The following CCSER1 variants were observed in gnomAD, a reference collection of about 807,000 sequenced individuals.
The protein encoded by CCSER1 is coiled-coil serine rich protein 1.
Under a neutral mutation model 82.0 loss-of-function variants are expected in CCSER1, and 41 were observed. The observed-to-expected ratio is 0.50, with a 90% CI of 0.39 to 0.65. CCSER1 has a LOEUF of 0.65. Among genes scored for constraint, CCSER1 ranks in the 30% least tolerant of loss-of-function variants. The pLI, the probability that CCSER1 is intolerant of heterozygous loss-of-function variation, is 0.00. For missense variants in CCSER1, 1,119 were observed against 1,064.2 expected (o/e 1.05, Z -0.72); for synonymous variants, 414 against 383.9 (o/e 1.08, Z -0.92).
At chr4:90,892,029 T>C (rs1455315609) in intron 8 of CCSER1, among the ~76,000 whole-genome samples, 2 of 152,094 alleles carry the variant, frequency 1.3e-5, no homozygotes, top group Non-Finnish European at 2.9e-5. Flanking sequence ...TTCATTTTAA[T>C]CCATGTAACT....
At chr4:90,847,087 T>C (rs1763317183) in intron 8 of CCSER1, among the ~76,000 whole-genome samples, 1 of 152,250 alleles carries the variant, frequency 6.6e-6, no homozygotes, top group Non-Finnish European at 1.5e-5. Flanking sequence ...TACCAATATG[T>C]TCTTAGCTGA....
At chr4:91,423,395 A>C (rs542529108) in intron 10 of CCSER1, among the ~76,000 whole-genome samples, 1 of 152,210 alleles carries the variant, frequency 6.6e-6, no homozygotes, top group East Asian at 1.9e-4. Flanking sequence ...ATGCCACTGC[A>C]ATTCAGCCTG....
intron 1 of CCSER1, among the ~76,000 whole-genome samples, chr4:90,273,776 C>T (rs553036230): frequency 6.6e-6 from 1 of 152,126 alleles, no homozygotes; most frequent in African/African-American, 2.4e-5. Context: ...CTCTTCTGCA[C>T]CACACCAGAA....
At chr4:91,592,855 C>T (rs2110343864) in intron 10 of CCSER1, among the ~76,000 whole-genome samples, 1 of 151,732 alleles carries the variant, frequency 6.6e-6, no homozygotes, top group South Asian at 2.1e-4. Context: ...AGAACATTTG[C>T]AGGAAAAATA....
intron 10 of CCSER1, among the ~76,000 whole-genome samples, chr4:91,098,793 G>T (rs775555238): frequency 6.6e-6 from 1 of 151,956 alleles, no homozygotes; most frequent in South Asian, 2.1e-4. Flanking sequence ...TGCCCGCCTC[G>T]GCCTCCCAAA....
At chr4:91,232,156 C>T (rs946607396) in intron 10 of CCSER1, among the ~76,000 whole-genome samples, 1 of 151,682 alleles carries the variant, frequency 6.6e-6, no homozygotes, top group Non-Finnish European at 1.5e-5. Flanking sequence ...ATACAGAGGG[C>T]AAGTAAATAA....
At chr4:91,000,621 C>G (rs1737952105) in intron 9 of CCSER1, among the ~76,000 whole-genome samples, 1 of 151,866 alleles carries the variant, frequency 6.6e-6, no homozygotes, top group African/African-American at 2.4e-5. Flanking sequence ...TGTAGTTCTC[C>G]TTTTAGAGAG....
intron 10 of CCSER1, among the ~76,000 whole-genome samples, chr4:91,451,962 A>T (rs1755894556): frequency 1.3e-5 from 2 of 151,996 alleles, no homozygotes; most frequent in Admixed American, 6.6e-5. Context: ...TGGGCCAACA[A>T]TATCTTAGTT....
chr4:90,400,864 CT>C (rs1367881072), intron 4 of CCSER1, among the ~76,000 whole-genome samples: 5 of 152,062 alleles, frequency 3.3e-5, no homozygotes, highest in African/African-American at 1.2e-4. Context: ...CTAATAATGT[CT>C]TTAACATAGT....
intron 8 of CCSER1, among the ~76,000 whole-genome samples, chr4:90,861,354 A>C (rs1398127466): frequency 1.3e-5 from 2 of 151,772 alleles, no homozygotes; most frequent in Admixed American, 6.6e-5. Flanking sequence ...ATTCTAATAA[A>C]TAAATTCCAA....
intron 1 of CCSER1, among the ~76,000 whole-genome samples, chr4:90,191,292 G>C (rs910709641): frequency 6.6e-6 from 1 of 151,908 alleles, no homozygotes; most frequent in East Asian, 1.9e-4. Context: ...AACAATCTGA[G>C]TATGGGGGCG....
At chr4:90,289,029 C>T (rs1394599569) in intron 1 of CCSER1, among the ~76,000 whole-genome samples, 1 of 151,874 alleles carries the variant, frequency 6.6e-6, no homozygotes, top group South Asian at 2.1e-4. Context: ...TTTCCTTCCT[C>T]CTCTCCTCCT....
At chr4:90,358,056 A>T (rs545024822) in intron 3 of CCSER1, among the ~76,000 whole-genome samples, 2 of 152,178 alleles carry the variant, frequency 1.3e-5, no homozygotes, top group Non-Finnish European at 2.9e-5. Context: ...CTAATTAATA[A>T]AACTTTAGTG....
intron 1 of CCSER1, among the ~76,000 whole-genome samples, chr4:90,278,516 C>T (rs1051176625): frequency 6.6e-6 from 1 of 151,982 alleles, no homozygotes; most frequent in African/African-American, 2.4e-5. Flanking sequence ...TGAAATCAGT[C>T]CTTTGCAGCA....
chr4:90,291,042 T>C (rs1183567473), intron 1 of CCSER1, among the ~76,000 whole-genome samples: 1 of 152,048 alleles, frequency 6.6e-6, no homozygotes, highest in African/African-American at 2.4e-5. Flanking sequence ...ATTATATTCC[T>C]TAAAAATAAT....
At chr4:91,059,361 A>ATATATACACGTG (rs1743756702) in intron 9 of CCSER1, among the ~76,000 whole-genome samples, 1 of 83,188 alleles carries the variant, frequency 1.2e-5, no homozygotes. Context: ...ACACGTGTGT[A>ATATATACACGTG]TGTGTGTGTG....
intron 9 of CCSER1, among the ~76,000 whole-genome samples, chr4:91,077,593 A>G (rs972962603): frequency 4.8e-4 from 73 of 152,190 alleles, no homozygotes; most frequent in Admixed American, 4.2e-3. Flanking sequence ...TACCAGGTTC[A>G]TCTCACTGGG....
At chr4:90,722,524 T>A (rs1580149554) in intron 6 of CCSER1, among the ~76,000 whole-genome samples, 1 of 152,002 alleles carries the variant, frequency 6.6e-6, no homozygotes, top group East Asian at 1.9e-4. Context: ...ATCAAATAAA[T>A]GGCATAGAAC....
intron 3 of CCSER1, among the ~76,000 whole-genome samples, chr4:90,323,799 C>A (rs1737612108): frequency 6.6e-6 from 1 of 152,078 alleles, no homozygotes; most frequent in African/African-American, 2.4e-5. Context: ...AGGTATATCT[C>A]CTAAAGCTAT....
Sources: allele counts gnomAD v4.1 joint callset (sites outside exome capture counted in the v4.1 genomes callset), GRCh38; gene constraint gnomAD v4.1.1; transcripts MANE v1.5; gene names NCBI Gene and HGNC (gene_info 2026-07-23, HGNC 2026-07-21).